The following PUDP variants were observed in gnomAD, a reference collection of about 807,000 sequenced individuals.
PUDP encodes the protein pseudouridine 5'-phosphatase, also known as pseudouridine-5'-phosphatase.
Under a neutral mutation model 9.4 loss-of-function variants are expected in PUDP, and 8 were observed. The observed-to-expected ratio is 0.85, with a 90% CI of 0.50 to 1.53. The LOEUF (loss-of-function observed/expected upper bound fraction) is 1.53, where lower values mean the gene tolerates loss of function less well. PUDP is among the 40% of genes most tolerant of loss of function. PUDP has a pLI of 0.00. For synonymous variants in PUDP, 99 were observed against 80.7 expected (o/e 1.23, Z -1.22); for missense variants, 188 against 189.7 (o/e 0.99, Z 0.05).
rs531561243 is a variant in PUDP at position 6,755,352 on chromosome X, C to A, written c.*248-48886G>T. On this transcript the variant is annotated intron_variant and NMD_transcript_variant, in intron 3 of 3. Coordinates refer to the PUDP transcript ENST00000655425. Reference sequence around the variant, plus strand: ...AAACAATGAGAGTCAACTGTATATACAAATTATAGACATTTATATAACATA... The same window carrying A: ...AAACAATGAGAGTCAACTGTATATAAAAATTATAGACATTTATATAACATA... 2.7e-5 allele frequency among the ~76,000 whole-genome samples: 3 copies of A among 111,564 alleles called. No individual in the cohort carries two copies. In the South Asian group the frequency reaches 1.1e-3, roughly 42 times the overall value.
intron 3 of PUDP, among the ~76,000 whole-genome samples, chrX:6,796,567 C>T (rs1925846521): frequency 8.9e-6 from 1 of 112,181 alleles, no homozygotes; most frequent in Non-Finnish European, 1.9e-5. Context: ...GTAAAGAATT[C>T]ACTTTGAAAC....
At chrX:7,057,648 G>T in intron 3 of PUDP, 1 of 1,131,098 alleles carries the variant, frequency 8.8e-7, no homozygotes, top group Non-Finnish European at 1.2e-6. Flanking sequence ...GCCATCGTGG[G>T]ACACCCAAGT....
intron 3 of PUDP, among the ~76,000 whole-genome samples, chrX:6,878,037 T>C (rs779737387): frequency 8.9e-6 from 1 of 112,179 alleles, no homozygotes; most frequent in Non-Finnish European, 1.9e-5. Flanking sequence ...AAAAAAGACA[T>C]TTTCTAAAAC....
intron 3 of PUDP, among the ~76,000 whole-genome samples, chrX:6,960,396 C>T (rs1017076587): frequency 2.7e-5 from 3 of 111,946 alleles, no homozygotes; most frequent in Non-Finnish European, 5.6e-5. Context: ...CTCGTTCTCT[C>T]TCTCTTTGAG....
intron 3 of PUDP, among the ~76,000 whole-genome samples, chrX:6,790,930 T>G (rs1175749684): frequency 1.8e-5 from 2 of 112,233 alleles, no homozygotes; most frequent in Non-Finnish European, 3.8e-5. Context: ...AAAAGACCTG[T>G]AAACAAATGT....
chrX:6,996,557 C>CAT (rs10658533), intron 1 of PUDP, among the ~76,000 whole-genome samples: 37,276 of 104,197 alleles, frequency 0.36, 5,336 homozygotes, highest in Non-Finnish European at 0.41. Flanking sequence ...ATTTTTTCCT[C>CAT]ATATATATAT....
chrX:7,128,819 A>G (rs1932547396), intron 1 of PUDP, among the ~76,000 whole-genome samples: 1 of 111,880 alleles, frequency 8.9e-6, no homozygotes, highest in Non-Finnish European at 1.9e-5. Context: ...GTAGATACTA[A>G]TGAATGATTT....
chrX:6,964,322 G>T (rs1266268900), intron 3 of PUDP, among the ~76,000 whole-genome samples: 1 of 112,045 alleles, frequency 8.9e-6, no homozygotes, highest in African/African-American at 3.2e-5. Context: ...GGAAAACCAA[G>T]TAGCAATTAA....
At chrX:6,749,286 A>T (rs1198828298) in intron 3 of PUDP, among the ~76,000 whole-genome samples, 1 of 111,956 alleles carries the variant, frequency 8.9e-6, no homozygotes. Context: ...GCACAACACC[A>T]GTTAATTTTG....
intron 1 of PUDP, among the ~76,000 whole-genome samples, chrX:6,992,249 A>C (rs938072051): frequency 1.9e-5 from 2 of 105,288 alleles, no homozygotes; most frequent in Non-Finnish European, 3.9e-5. Context: ...AATGTTCTTA[A>C]AGGAGAATTT....
chrX:7,135,742 T>C (rs1006722179), intron 1 of PUDP, among the ~76,000 whole-genome samples: 8 of 111,836 alleles, frequency 7.2e-5, no homozygotes, highest in Non-Finnish European at 1.1e-4. Flanking sequence ...TTCCCTTTCC[T>C]ATTTTAACTT....
At chrX:7,130,825 G>T (rs1369695844) in intron 1 of PUDP, among the ~76,000 whole-genome samples, 5 of 111,818 alleles carry the variant, frequency 4.5e-5, no homozygotes. Flanking sequence ...GGCAGAGGTT[G>T]CAATGAGCTG....
intron 2 of PUDP, among the ~76,000 whole-genome samples, chrX:7,091,468 A>G (rs1269556630): frequency 9.0e-6 from 1 of 111,477 alleles, no homozygotes; most frequent in Non-Finnish European, 1.9e-5. Flanking sequence ...CCTCTCAAGT[A>G]GCTGGAACTA....
intron 3 of PUDP, among the ~76,000 whole-genome samples, chrX:6,752,389 G>A (rs761836877): frequency 1.3e-4 from 14 of 111,402 alleles, no homozygotes; most frequent in Non-Finnish European, 2.3e-4. Context: ...GGAAGAGGTG[G>A]ACTTTCACCT....
At chrX:7,082,579 A>G (rs182988069) in intron 2 of PUDP, among the ~76,000 whole-genome samples, 111 of 112,296 alleles carry the variant, frequency 9.9e-4, no homozygotes, top group African/African-American at 3.1e-3. Flanking sequence ...GAAGAGCTCT[A>G]TGAAGTGAGA....
At chrX:6,720,201 T>C (rs1161333109) in intron 1 of PUDP, among the ~76,000 whole-genome samples, 1 of 92,746 alleles carries the variant, frequency 1.1e-5, no homozygotes, top group Non-Finnish European at 2.0e-5. Flanking sequence ...TGTGTATATA[T>C]ATGTGTGTAT....
intron 3 of PUDP, among the ~76,000 whole-genome samples, chrX:6,839,899 C>A (rs891147673): frequency 1.5e-4 from 17 of 110,592 alleles, no homozygotes; most frequent in African/African-American, 4.9e-4. Context: ...GTATGCCCCC[C>A]CCTCCCCCAT....
At chrX:6,826,924 T>A (rs1926431205) in intron 3 of PUDP, among the ~76,000 whole-genome samples, 1 of 111,753 alleles carries the variant, frequency 8.9e-6, no homozygotes, top group Non-Finnish European at 1.9e-5. Context: ...GGCAGGAATC[T>A]CACCCCTCTG....
intron 3 of PUDP, among the ~76,000 whole-genome samples, chrX:6,936,869 C>T (rs1189570259): frequency 1.3e-4 from 13 of 96,499 alleles, no homozygotes; most frequent in African/African-American, 4.2e-4. Context: ...CATGAGTGAA[C>T]TCCCATTCAC....
Sources: gnomAD v4.1 joint callset for allele counts (sites outside exome capture counted in the v4.1 genomes callset) on GRCh38, gnomAD v4.1.1 for gene constraint, MANE v1.5 for transcripts, NCBI Gene and HGNC (gene_info 2026-07-23, HGNC 2026-07-21) for gene names.